The following SPAG16 variants were observed in gnomAD, a reference collection of about 807,000 sequenced individuals.
The protein encoded by SPAG16 is sperm associated antigen 16.
A neutral mutation model predicts 80.4 loss-of-function variants in SPAG16; 86 were observed. The observed-to-expected ratio is 1.07, with a 90% CI of 0.90 to 1.28. The LOEUF is 1.28. SPAG16 is among the 50% of genes most tolerant of loss of function. The pLI is 0.00. For synonymous variants in SPAG16, 294 were observed against 265.9 expected (o/e 1.11, Z -1.03); for missense variants, 870 against 765.3 (o/e 1.14, Z -1.61).
chr2:214,108,346 G>T, intron 14 of SPAG16, 85 bp downstream of exon 14: 2 of 1,124,198 alleles, frequency 1.8e-6, no homozygotes, highest in Middle Eastern at 2.1e-4. Context: ...AAGCTAAAAT[G>T]GTAAGTTAAT....
At chr2:213,626,353 T>C (rs1449220253) in intron 10 of SPAG16, among the ~76,000 whole-genome samples, 1 of 151,982 alleles carries the variant, frequency 6.6e-6, no homozygotes, top group Non-Finnish European at 1.5e-5. Context: ...AACAAAACTG[T>C]AAATACCCGG....
chr2:213,352,158 C>CTTTTTTTT lies in SPAG16; in HGVS notation c.762+1519_762+1526dup, dbSNP rs534931836. Among the ~76,000 whole-genome samples, 56 of 141,786 alleles carry CTTTTTTTT rather than the reference C, an allele frequency of 3.9e-4. 1 individual carries two copies. The highest frequency in any genetic ancestry group is 1.4e-3 in the African/African-American group (54 of 38,648). The allele number at this position is 141,786 out of a possible 152,430, so 93.0% of individuals were successfully genotyped here. On this transcript the variant is annotated intron_variant, in intron 7 of 15. Coordinates refer to ENST00000331683, the MANE Select transcript of SPAG16 (RefSeq NM_024532.5). ...AACTTGAGCCAATTAAACCTCTAGT[C>CTTTTTTTT]TTTTTTTTTTTTTAATATATTTTTA... is the stretch of plus-strand genomic sequence containing the variant.
At chr2:213,563,151 T>C (rs1458192805) in intron 10 of SPAG16, among the ~76,000 whole-genome samples, 1 of 152,224 alleles carries the variant, frequency 6.6e-6, no homozygotes, top group African/African-American at 2.4e-5. Context: ...AGCTTCATTT[T>C]TTTACTTTCA....
At chr2:213,348,323 C>T (rs904339451) in intron 6 of SPAG16, among the ~76,000 whole-genome samples, 3 of 152,108 alleles carry the variant, frequency 2.0e-5, no homozygotes, top group Non-Finnish European at 4.4e-5. Flanking sequence ...GGTCTTGACT[C>T]CTTATCCAGT....
intron 10 of SPAG16, among the ~76,000 whole-genome samples, chr2:213,820,523 G>A (rs762566024): frequency 3.6e-4 from 54 of 151,962 alleles, no homozygotes; most frequent in Non-Finnish European, 6.6e-4. Context: ...GTTTTTATAA[G>A]CACAAAAAAG....
chr2:214,199,301 C>T (rs764607529), intron 15 of SPAG16, among the ~76,000 whole-genome samples: 5 of 152,068 alleles, frequency 3.3e-5, no homozygotes, highest in Non-Finnish European at 5.9e-5. Context: ...GATGAGGATC[C>T]AGTTTCATTC....
At chr2:213,373,756 A>G (rs2066757351) in intron 8 of SPAG16, among the ~76,000 whole-genome samples, 1 of 152,174 alleles carries the variant, frequency 6.6e-6, no homozygotes, top group Non-Finnish European at 1.5e-5. Flanking sequence ...AACAAAAGGT[A>G]GTGTGACCTT....
At chr2:213,286,602 A>T (rs972796179) in intron 1 of SPAG16, among the ~76,000 whole-genome samples, 22 of 152,344 alleles carry the variant, frequency 1.4e-4, no homozygotes, top group African/African-American at 5.3e-4. Flanking sequence ...CATGGTGGGT[A>T]AATAAAAGTT....
chr2:213,818,547 C>G (rs1325741512), intron 10 of SPAG16, among the ~76,000 whole-genome samples: 2 of 152,168 alleles, frequency 1.3e-5, no homozygotes, highest in Non-Finnish European at 2.9e-5. Context: ...CTTTGTATGC[C>G]CTTTTTTTAC....
chr2:213,556,297 C>CAAAA (rs35316956), intron 10 of SPAG16, among the ~76,000 whole-genome samples: 1 of 79,726 alleles, frequency 1.3e-5, no homozygotes, highest in African/African-American at 5.4e-5. Context: ...CTGAATGGGT[C>CAAAA]AAAAAAAAAA....
At chr2:213,659,601 A>G (rs78160100) in intron 10 of SPAG16, among the ~76,000 whole-genome samples, 6,913 of 152,278 alleles carry the variant, frequency 0.045, 241 homozygotes, top group Middle Eastern at 0.082. Context: ...AAAGTGGGCT[A>G]AGCAACATTT....
chr2:214,287,878 G>A (rs991164645), intron 15 of SPAG16, among the ~76,000 whole-genome samples: 1 of 152,116 alleles, frequency 6.6e-6, no homozygotes. Flanking sequence ...AGGTGATTTT[G>A]GGTATCCATC....
intron 10 of SPAG16, among the ~76,000 whole-genome samples, chr2:213,587,298 A>G (rs1166710568): frequency 6.6e-6 from 1 of 152,140 alleles, no homozygotes; most frequent in Non-Finnish European, 1.5e-5. Context: ...AGCTGGAGCC[A>G]TCCTAGGTCA....
chr2:213,377,978 C>T (rs903467745), intron 9 of SPAG16, among the ~76,000 whole-genome samples: 14 of 150,990 alleles, frequency 9.3e-5, no homozygotes, highest in Admixed American at 4.6e-4. Context: ...TTAACTCACA[C>T]GATCACAAGG....
Position 213,316,062 on chromosome 2 carries a change from A to G in SPAG16, c.399-1157A>G, listed in dbSNP as rs1026641018. On this transcript the variant is annotated intron_variant, in intron 4 of 15. Transcript: ENST00000331683. ...GTTGATTACCAAATTTAAATTGCCA[A>G]CCCTGACTTTTTTCCTGAACTCTGA... Among the ~76,000 whole-genome samples, 24 of 151,878 alleles carry G rather than the reference A, an allele frequency of 1.6e-4. 1 individual carries two copies. The highest frequency in any genetic ancestry group is 1.5e-5 in the Non-Finnish European group (1 of 67,918).
intron 15 of SPAG16, among the ~76,000 whole-genome samples, chr2:214,161,632 A>G (rs2125603733): frequency 6.6e-6 from 1 of 152,072 alleles, no homozygotes; most frequent in Non-Finnish European, 1.5e-5. Context: ...CAGTGAGAGC[A>G]CATGGACACA....
At chr2:213,948,221 A>G (rs1193358035) in intron 12 of SPAG16, among the ~76,000 whole-genome samples, 1 of 152,146 alleles carries the variant, frequency 6.6e-6, no homozygotes, top group African/African-American at 2.4e-5. Flanking sequence ...TAATAGCTAC[A>G]CTTTCTTTTC....
chr2:214,014,628 A>G (rs1031822641), intron 13 of SPAG16, among the ~76,000 whole-genome samples: 7 of 152,350 alleles, frequency 4.6e-5, no homozygotes, highest in Non-Finnish European at 8.8e-5. Context: ...GCTCAAAGCC[A>G]TAGAGATGTG....
chr2:213,987,641 T>C (rs1481822264), intron 12 of SPAG16, among the ~76,000 whole-genome samples: 2 of 151,924 alleles, frequency 1.3e-5, no homozygotes, highest in Non-Finnish European at 2.9e-5. Context: ...ACTTGGCCGA[T>C]ATTTAATTTC....
Sources: gnomAD v4.1 joint callset for allele counts (sites outside exome capture counted in the v4.1 genomes callset) on GRCh38, gnomAD v4.1.1 for gene constraint, MANE v1.5 for transcripts, NCBI Gene and HGNC (gene_info 2026-07-23, HGNC 2026-07-21) for gene names.